Variants in COLEC10 observed in about 807,000 individuals in gnomAD.
COLEC10 encodes collectin-10.
COLEC10 carries 22 observed loss-of-function variants against 28.4 expected under a neutral mutation model. The ratio of observed to expected loss-of-function variants is 0.78; its 90% CI spans 0.55 to 1.11. The LOEUF (loss-of-function observed/expected upper bound fraction) is 1.11, where lower values mean the gene tolerates loss of function less well. Ranked by LOEUF, COLEC10 falls within the 50% of genes least tolerant of loss-of-function variation. The pLI is 0.00. For synonymous variants in COLEC10, 125 were observed against 116.1 expected, an observed-to-expected ratio of 1.08 and a Z score of -0.49; for missense variants, 361 against 344.1, an observed-to-expected ratio of 1.05 and a Z score of -0.39.
At chr8:119,049,945 G>A (rs575036491) in intron 2 of COLEC10, among the ~76,000 whole-genome samples, 2 of 152,292 alleles carry the variant, frequency 1.3e-5, no homozygotes, top group Admixed American at 1.3e-4. Context: ...CTATTAGGAG[G>A]AGAGTTAATA....
upstream of COLEC10, among the ~76,000 whole-genome samples, chr8:118,990,527 T>C (rs576316514): frequency 6.6e-6 from 1 of 152,256 alleles, no homozygotes; most frequent in African/African-American, 2.4e-5. Context: ...CACACAGTAA[T>C]ACGTAAAATT....
chr8:119,080,148 T>C (rs1815340756), intron 1 of COLEC10, among the ~76,000 whole-genome samples: 1 of 152,168 alleles, frequency 6.6e-6, no homozygotes, highest in Non-Finnish European at 1.5e-5. Context: ...CTTGCTTTGT[T>C]GGATGCCAGT....
chr8:118,997,824 C>T (rs937067680), intron 1 of COLEC10, among the ~76,000 whole-genome samples: 1 of 152,110 alleles, frequency 6.6e-6, no homozygotes, highest in Admixed American at 6.6e-5. Flanking sequence ...AAGTTATATA[C>T]AGTAGATTAA....
chr8:119,049,958 G>C (rs1258016616), intron 2 of COLEC10, among the ~76,000 whole-genome samples: 1 of 152,116 alleles, frequency 6.6e-6, no homozygotes, highest in Non-Finnish European at 1.5e-5. Context: ...AGTTAATATG[G>C]CTTTGAGGCT....
chr8:119,090,421 G>A (rs956444637), intron 2 of COLEC10, among the ~76,000 whole-genome samples: 1 of 152,148 alleles, frequency 6.6e-6, no homozygotes, highest in Non-Finnish European at 1.5e-5. Flanking sequence ...TGCTACAAGA[G>A]GGCTGCCCTA....
At chr8:118,993,283 T>A (rs1345880150), upstream of COLEC10, among the ~76,000 whole-genome samples, 1 of 152,180 alleles carries the variant, frequency 6.6e-6, no homozygotes, top group Non-Finnish European at 1.5e-5. Context: ...CTCTTTGGCT[T>A]GTACATAGAT....
intron 2 of COLEC10, among the ~76,000 whole-genome samples, chr8:119,058,163 T>A (rs1418132321): frequency 1.3e-5 from 2 of 152,060 alleles, no homozygotes; most frequent in African/African-American, 4.8e-5. Flanking sequence ...ATTTGTCTAC[T>A]TGACTATTTC....
chr8:119,058,948 A>T (rs924371364), intron 2 of COLEC10, among the ~76,000 whole-genome samples: 16 of 152,166 alleles, frequency 1.1e-4, no homozygotes, highest in African/African-American at 3.9e-4. Context: ...TATTATTATT[A>T]TGGCCAGTCT....
In COLEC10 at chr8:119,030,187, T is replaced by G. The variant is rs868255489; in HGVS notation, n.235+20634T>G. 1.5e-4 allele frequency among the ~76,000 whole-genome samples: 23 copies of G among 152,298 alleles called. No individual in the cohort carries two copies. In the Middle Eastern group the frequency reaches 0.02, roughly 135 times the overall value. On this transcript the variant is annotated intron_variant and non_coding_transcript_variant, in intron 2 of 6. Transcript: ENST00000521788. Reference sequence around the variant, plus strand: ...AAATATCTTAATTGTGGTCATCAATTGTAAAAGACTTTTATAGGAATATCA... The same window carrying G: ...AAATATCTTAATTGTGGTCATCAATGGTAAAAGACTTTTATAGGAATATCA...
chr8:118,978,448 A>G, the COLEC10 span, among the ~76,000 whole-genome samples: 6 of 152,092 alleles, frequency 3.9e-5, no homozygotes, highest in African/African-American at 1.4e-4. Flanking sequence ...CTTGTTTACC[A>G]TCTGGGGAGT....
rs565976094 is a variant in COLEC10 at position 119,053,785 on chromosome 8, T to C, written n.236-35895T>C. Among the ~76,000 whole-genome samples, 13 of 152,216 alleles carry C rather than the reference T, an allele frequency of 8.5e-5. No individual in the cohort carries two copies. The East Asian group carries it at 2.3e-3, about 27-fold the overall frequency. ...CTTTCCTTCAGTTCTTGATTTAGTCTGTTGACTTCAAATAATTTACAGTAT... is the reference window on the plus strand; with the variant it reads ...CTTTCCTTCAGTTCTTGATTTAGTCCGTTGACTTCAAATAATTTACAGTAT... On this transcript the variant is annotated intron_variant and non_coding_transcript_variant, in intron 2 of 6. Transcript: ENST00000521788.
chr8:119,092,288 T>C (rs866389731), intron 3 of COLEC10, among the ~76,000 whole-genome samples: 8 of 152,162 alleles, frequency 5.3e-5, no homozygotes, highest in South Asian at 2.1e-4. Flanking sequence ...GCCAAGATGG[T>C]CTCGATCTTC....
At chr8:118,991,469 A>G (rs1291428365), upstream of COLEC10, among the ~76,000 whole-genome samples, 1 of 152,200 alleles carries the variant, frequency 6.6e-6, no homozygotes, top group Non-Finnish European at 1.5e-5. Context: ...CCTTCTGAAG[A>G]TAAAGTCACT....
chr8:119,091,591 GAGAGAGAAAGAA>G (rs766426032), intron 3 of COLEC10, among the ~76,000 whole-genome samples: 25 of 90,740 alleles, frequency 2.8e-4, no homozygotes, highest in African/African-American at 4.8e-4. Context: ...GAGAGAGAGA[GAGAGAGAAAGAA>G]AGAAAGAAAG....
rs979139656 is a variant in COLEC10 at position 119,008,480 on chromosome 8, A to T, written n.123-961A>T. Among the ~76,000 whole-genome samples the T allele has an allele frequency of 4.3e-4, 62 of 145,454 alleles. 1 individual carries two copies. The highest frequency in any genetic ancestry group is 6.4e-4 in the South Asian group (3 of 4,672). ...TCATGAGGGTTTATTTTTACTTTTT[A>T]TTTTTTTTTTTGCCATCGGGATTTG... On this transcript the variant is annotated intron_variant and non_coding_transcript_variant, in intron 1 of 6. Transcript: ENST00000521788.
chr8:118,971,035 A>G, the COLEC10 span, among the ~76,000 whole-genome samples: 2 of 152,042 alleles, frequency 1.3e-5, no homozygotes, highest in Non-Finnish European at 2.9e-5. Flanking sequence ...CAGTAAAAAC[A>G]CGTGACTTAA....
chr8:119,042,007 G>T (rs60335297), intron 2 of COLEC10, among the ~76,000 whole-genome samples: 6,042 of 151,422 alleles, frequency 0.04, 171 homozygotes, highest in East Asian at 0.16. Flanking sequence ...GGTTTTTTTT[G>T]GTTTTTTCGA....
At position 119,069,038 on chromosome 8, in the gene COLEC10, A is replaced by G. The variant is rs547439785; in HGVS notation, c.148+1609A>G. ...TGATCCTGGAATGTACTGAATACCTACTAAGATCCAGGCATCATGTTAGAT... is the reference window on the plus strand; with the variant it reads ...TGATCCTGGAATGTACTGAATACCTGCTAAGATCCAGGCATCATGTTAGAT... On this transcript the variant is annotated intron_variant, in intron 1 of 5. Transcript: ENST00000332843. Among the ~76,000 whole-genome samples, 4 of 152,222 alleles carry G rather than the reference A, an allele frequency of 2.6e-5. No individual in the cohort carries two copies. In the South Asian group the frequency reaches 8.3e-4, roughly 32 times the overall value.
intron 2 of COLEC10, among the ~76,000 whole-genome samples, chr8:119,021,681 C>T (rs1180229725): frequency 6.6e-6 from 1 of 152,114 alleles, no homozygotes; most frequent in Non-Finnish European, 1.5e-5. Flanking sequence ...GAATGTTCTT[C>T]TATGGTTCAA....
Sources: allele counts gnomAD v4.1 joint callset (sites outside exome capture counted in the v4.1 genomes callset), GRCh38; gene constraint gnomAD v4.1.1; transcripts MANE v1.5; gene names NCBI Gene and HGNC (gene_info 2026-07-23, HGNC 2026-07-21).